The following ABCA9 variants were observed in gnomAD, a reference collection of about 807,000 sequenced individuals.
The protein encoded by ABCA9 is ATP binding cassette subfamily A member 9.
Under a neutral mutation model 205.3 loss-of-function variants are expected in ABCA9, and 183 were observed. That is an observed-to-expected ratio of 0.89 (90% CI 0.79 to 1.01). The LOEUF (loss-of-function observed/expected upper bound fraction) is 1.01. Among genes scored for constraint, ABCA9 ranks in the 50% least tolerant of loss-of-function variants. The probability of loss-of-function intolerance (pLI) is 0.00; values close to 1 mark genes in which losing one functional copy is unlikely to be tolerated. For missense variants in ABCA9, 1,805 were observed against 1,912.4 expected (o/e 0.94, Z 1.05); for synonymous variants, 651 against 683.3 (o/e 0.95, Z 0.74).
chr17:69,013,444 GGGAGGGGAAAA>G (rs1031912952), intron 22 of ABCA9, among the ~76,000 whole-genome samples: 1 of 150,822 alleles, frequency 6.6e-6, no homozygotes, highest in African/African-American at 2.4e-5. Context: ...ATAAGGCCCT[GGGAGGGGAAAA>G]AAGGGTGCCA....
chr17:69,032,693 G>T, intron 9 of ABCA9: 1 of 154,986 alleles, frequency 6.5e-6, no homozygotes, highest in Non-Finnish European at 1.4e-5. Flanking sequence ...TCTGCTTCCC[G>T]GGTTCAAGCA....
chr17:69,011,185 G>A (rs769990176), intron 23 of ABCA9, among the ~76,000 whole-genome samples: 1 of 151,992 alleles, frequency 6.6e-6, no homozygotes, highest in Admixed American at 6.6e-5. Flanking sequence ...TTTTATAGAC[G>A]ATCAAAATGA....
intron 22 of ABCA9, among the ~76,000 whole-genome samples, chr17:69,014,189 A>C (rs1181524591): frequency 6.6e-6 from 1 of 152,140 alleles, no homozygotes; most frequent in Non-Finnish European, 1.5e-5. Context: ...TGAAATCTGA[A>C]ATGCTCCAAA....
chr17:69,022,721 CCTCTCTCTGT>C (rs909267334), intron 17 of ABCA9, among the ~76,000 whole-genome samples: 2 of 152,012 alleles, frequency 1.3e-5, no homozygotes, highest in African/African-American at 4.8e-5. Flanking sequence ...CTTTGCACCT[CCTCTCTCTGT>C]CTCTCTCTCC....
chr17:69,062,288 G>A (rs1445249641), upstream of ABCA9, among the ~76,000 whole-genome samples: 1 of 151,976 alleles, frequency 6.6e-6, no homozygotes, highest in African/African-American at 2.4e-5. Context: ...TATAATTTAG[G>A]AAATTTTTTT....
At chr17:69,026,924 C>A in intron 15 of ABCA9, 52 bp downstream of exon 15, 1 of 1,597,232 alleles carries the variant, frequency 6.3e-7, no homozygotes, top group African/African-American at 1.3e-5. Context: ...TGTTCATATT[C>A]CACACTGTCT....
chr17:69,065,160 C>T (rs984461803), upstream of ABCA9, among the ~76,000 whole-genome samples: 2 of 151,852 alleles, frequency 1.3e-5, no homozygotes, highest in South Asian at 2.1e-4. Context: ...GGGTTTTGTC[C>T]TACATGGCAC....
chr17:69,035,440 A>G lies in ABCA9; in HGVS notation c.943-9T>C. The G allele has an allele frequency of 6.4e-7, 1 of 1,560,884 alleles. No individual in the cohort carries two copies. On this transcript the variant is annotated splice_polypyrimidine_tract_variant and intron_variant, in intron 7 of 38. Coordinates refer to ENST00000340001, the MANE Select transcript of ABCA9 (RefSeq NM_080283.4). ...AGGAAAGCTAAAGTTATCTGAGAAA[A>G]GAGAAAGACTTCAGCTGGTATATAA...
At position 69,043,311 on chromosome 17, in the gene ABCA9, A is replaced by G. The variant is rs1000031406; in HGVS notation, c.800+178T>C. The G allele has an allele frequency of 1.6e-5, 9 of 547,946 alleles. No homozygotes were observed. The Admixed American group carries it at 2.9e-4, about 17-fold the overall frequency. 33.9% of individuals were successfully genotyped at this position (547,946 alleles called of 1,614,324 possible). On this transcript the variant is annotated intron_variant, in intron 6 of 38. Transcript: ENST00000340001. ...CAATAGGGAGTGGCTGTAAATATAC[A>G]TGAAGCTTTGCTCACTTGCCTGCCA...
At chr17:69,059,358 C>A (rs958232486) in intron 1 of ABCA9, among the ~76,000 whole-genome samples, 2 of 151,924 alleles carry the variant, frequency 1.3e-5, no homozygotes. Flanking sequence ...CTGGGTAGAC[C>A]CAGTGTAATC....
chr17:68,979,739 AG>A (rs2068988930), intron 37 of ABCA9, among the ~76,000 whole-genome samples: 1 of 152,220 alleles, frequency 6.6e-6, no homozygotes, highest in Non-Finnish European at 1.5e-5. Context: ...ATATGTAGAA[AG>A]CTGAAACTGG....
rs746006539 is a variant in ABCA9 at position 69,017,793 on chromosome 17, C to T, written c.2768-4G>A. ...AAAAAGTTATCAATGGTTGACCCTACATGAAGGCAAAGATTAAAGGAAGCA... is the reference window on the plus strand; with the variant it reads ...AAAAAGTTATCAATGGTTGACCCTATATGAAGGCAAAGATTAAAGGAAGCA... On this transcript the variant is annotated splice_region_variant and splice_polypyrimidine_tract_variant and intron_variant, in intron 20 of 38. Coordinates refer to ENST00000340001, the MANE Select transcript of ABCA9 (RefSeq NM_080283.4). 7.4e-6 allele frequency: 12 copies of T among 1,611,254 alleles called. 1 individual carries two copies. The South Asian group carries it at 9.9e-5, about 13-fold the overall frequency.
intron 22 of ABCA9, 94 bp downstream of exon 22, chr17:69,016,159 T>G (rs1301056144): frequency 1.0e-5 from 9 of 861,220 alleles, no homozygotes; most frequent in Admixed American, 3.1e-5. Context: ...TAAGAATAGA[T>G]TCACAAAAAG....
intron 13 of ABCA9, 81 bp from the exon 14 acceptor site, chr17:69,027,530 G>A (rs2071033087): frequency 1.9e-6 from 3 of 1,559,672 alleles, no homozygotes; most frequent in South Asian, 2.4e-5. Flanking sequence ...CTTTACAAAG[G>A]GCCTTTTTGC....
In ABCA9 at chr17:68,989,889, T is replaced by C. The variant is rs2069387580; in HGVS notation, c.3879A>G (p.Ala1293=). ...TAGAAAAGCAATTTTTCTTTTTGCC[T>C]GCATATTCCTTCCGTAGACAGCTGG... ...IIASCLRKEY[A]GKKKNCFSKR... Residue 1293 remains alanine (A), a synonymous_variant, in exon 30 of 39, where the codon GCA becomes GCG. Coordinates refer to ENST00000340001, the MANE Select transcript of ABCA9 (RefSeq NM_080283.4). 6.2e-7 allele frequency: 1 copy of C among 1,613,302 alleles called. No homozygotes were observed. The highest frequency in any genetic ancestry group is 8.5e-7 in the Non-Finnish European group (1 of 1,179,512).
At position 68,989,918 on chromosome 17, in the gene ABCA9, T is replaced by C. The variant is rs2069388363; in HGVS notation, c.3850A>G (p.Ile1284Val). 2 of 1,608,632 alleles carry C rather than the reference T, an allele frequency of 1.2e-6. No individual in the cohort carries two copies. The highest frequency in any genetic ancestry group is 1.3e-5 in the African/African-American group (1 of 74,670). The change falls in exon 30 of 39, where the codon ATT becomes GTT. Residue 1284 changes from isoleucine (I) to valine (V), a missense_variant. Ile to Val is a conservative substitution (Grantham distance 29). Transcript: ENST00000340001. The part of the protein sequence containing the change: ...VRDFDETPVI[I>V]ASCLRKEYAG... The stretch of plus-strand genomic sequence containing the variant: ...TATTCCTTCCGTAGACAGCTGGCAA[T>C]GATGACGGGTGTCTGTAAAGACAAG...
intron 6 of ABCA9, chr17:69,042,617 G>A (rs951833487): frequency 6.6e-6 from 1 of 152,184 alleles, no homozygotes; most frequent in Non-Finnish European, 1.5e-5. Flanking sequence ...AACCTCACGT[G>A]TTTGTGTATT....
In ABCA9 at chr17:69,026,909, A is replaced by T; in HGVS notation, c.2050+67T>A. 1.9e-6 allele frequency: 3 copies of T among 1,565,704 alleles called. No individual in the cohort carries two copies. The South Asian group carries it at 3.5e-5, about 18-fold the overall frequency. On this transcript the variant is annotated intron_variant, in intron 15 of 38. Transcript: ENST00000340001. ...TTCCAGGGAGACACAGCTGTGGAGCATACCTGTTCATATTCCACACTGTCT... is the reference window on the plus strand; with the variant it reads ...TTCCAGGGAGACACAGCTGTGGAGCTTACCTGTTCATATTCCACACTGTCT...
rs904841138 is a variant in ABCA9 at position 68,980,092 on chromosome 17, AAAAC to A, written c.4720+2466_4720+2469del. Among the ~76,000 whole-genome samples the A allele has an allele frequency of 2.6e-4, 40 of 152,336 alleles. 1 individual carries two copies. Among genetic ancestry groups the A allele is most frequent in the South Asian group, 1.0e-3 (5 of 4,826 alleles). ...TGAACTCAAACAAATTTACAAGAAA[AAAAC>A]AAACAGCCCCATCAAAAAGTGGACA... On this transcript the variant is annotated intron_variant, in intron 37 of 38. Coordinates refer to ENST00000340001, the MANE Select transcript of ABCA9 (RefSeq NM_080283.4).
Sources: allele counts gnomAD v4.1 joint callset (sites outside exome capture counted in the v4.1 genomes callset), GRCh38; gene constraint gnomAD v4.1.1; transcripts MANE v1.5; gene names NCBI Gene and HGNC (gene_info 2026-07-23, HGNC 2026-07-21).